RNF19A: variants seen among roughly 807,000 people sequenced by gnomAD.
The protein encoded by RNF19A is E3 ubiquitin-protein ligase RNF19A.
A neutral mutation model predicts 75.7 loss-of-function variants in RNF19A; 32 were observed. The ratio of observed to expected loss-of-function variants is 0.42; its 90% CI spans 0.32 to 0.57. The LOEUF is 0.57. Ranked by LOEUF, RNF19A falls within the 20% of genes least tolerant of loss-of-function variation. The pLI is 0.10. For missense variants in RNF19A, 782 were observed against 1,036.3 expected (o/e 0.75, Z 3.37); for synonymous variants, 335 against 345.2 (o/e 0.97, Z 0.33).
At chr8:100,319,877 C>T (rs1822440771) in intron 1 of RNF19A, among the ~76,000 whole-genome samples, 1 of 147,448 alleles carries the variant, frequency 6.8e-6, no homozygotes, top group African/African-American at 2.5e-5. Context: ...CTCTTGTTGC[C>T]CAGGACAGAG....
rs1175773394 is a variant in RNF19A, at chr8:100,259,287, TTC to T, written c.1827-43_1827-42del. On this transcript the variant is annotated intron_variant, in intron 9 of 9. Transcript: ENST00000341084. The surrounding 1 kb of genome is among the most constrained non-coding windows in gnomAD (Gnocchi z 4.5). ...AACAAATACAAACATAATTGCTGAC[TTC>T]TTTTTGTTCAGATGACTGGGGGAAG... The T allele has an allele frequency of 2.7e-6, 4 of 1,504,796 alleles. No individual in the cohort carries two copies. In the Admixed American group the frequency reaches 7.3e-5, roughly 28 times the overall value. The allele number at this position is 1,504,796 out of a possible 1,614,324, so 93.2% of individuals were successfully genotyped here.
At position 100,269,286 on chromosome 8, in the gene RNF19A, T is replaced by C. The variant is rs556624749; in HGVS notation, c.1029-339A>G. 9.9e-5 allele frequency among the ~76,000 whole-genome samples: 15 copies of C among 152,070 alleles called. No homozygotes were observed. In the South Asian group the frequency reaches 2.9e-3, roughly 29 times the overall value. ...AGTAAATTAATGCAAAACATGCATA[T>C]TTTTAGGCATCAATTATCTGATTAT... On this transcript the variant is annotated intron_variant, in intron 4 of 9. Coordinates refer to ENST00000341084, the MANE Select transcript of RNF19A (RefSeq NM_183419.4). The surrounding 1 kb of genome is among the most constrained non-coding windows in gnomAD (Gnocchi z 5.7).
At chr8:100,286,945 AATT>A (rs1821050099) in intron 2 of RNF19A, among the ~76,000 whole-genome samples, 1 of 152,200 alleles carries the variant, frequency 6.6e-6, no homozygotes. Flanking sequence ...TGGTATGTGT[AATT>A]CAAAAACTTG....
chr8:100,300,560 G>C (rs1821776041), intron 1 of RNF19A: 1 of 152,166 alleles, frequency 6.6e-6, no homozygotes, highest in Non-Finnish European at 1.5e-5. Context: ...GGCTGAGGTG[G>C]CAGGGTTGCT....
Position 100,264,357 on chromosome 8 carries a change from A to G in RNF19A, c.1307-162T>C. 1.6e-6 allele frequency: 1 copy of G among 638,936 alleles called. No individual in the cohort carries two copies. Among genetic ancestry groups the G allele is most frequent in the Non-Finnish European group, 2.6e-6 (1 of 381,764 alleles). 39.6% of individuals were successfully genotyped at this position (638,936 alleles called of 1,614,324 possible). A position where few individuals can be genotyped will look rare whatever the true frequency, so the allele number is the denominator to read the frequency against. ...CCAAAAGTAGATTTACCCAGTTGTTAAGCAAATTCAAGGTTCCCAGCCTTT... is the reference window on the plus strand; with the variant it reads ...CCAAAAGTAGATTTACCCAGTTGTTGAGCAAATTCAAGGTTCCCAGCCTTT... On this transcript the variant is annotated intron_variant, in intron 6 of 9. Coordinates refer to ENST00000341084, the MANE Select transcript of RNF19A (RefSeq NM_183419.4). This position sits in a 1 kb window ranked among gnomAD's most constrained non-coding sequence, Gnocchi z 4.7.
intron 1 of RNF19A, among the ~76,000 whole-genome samples, chr8:100,299,815 C>T (rs1821742382): frequency 6.6e-6 from 1 of 152,040 alleles, no homozygotes. Flanking sequence ...TTATCCTAAC[C>T]ACTTTCTCTG....
intron 1 of RNF19A, among the ~76,000 whole-genome samples, chr8:100,296,062 A>T (rs1821542099): frequency 6.6e-6 from 1 of 152,222 alleles, no homozygotes; most frequent in African/African-American, 2.4e-5. Flanking sequence ...TTCGGATACC[A>T]AGCAGCAATG....
At chr8:100,307,124 G>C (rs866649038) in intron 1 of RNF19A, among the ~76,000 whole-genome samples, 29 of 152,160 alleles carry the variant, frequency 1.9e-4, no homozygotes, top group Non-Finnish European at 3.4e-4. Flanking sequence ...TCTTGGCAAA[G>C]AATGTTAAAA....
intron 2 of RNF19A, among the ~76,000 whole-genome samples, chr8:100,286,655 T>C (rs1430526428): frequency 6.6e-6 from 1 of 152,212 alleles, no homozygotes; most frequent in African/African-American, 2.4e-5. Flanking sequence ...TGTAATTTGA[T>C]AAATGAAACT....
At chr8:100,286,087 C>T (rs1356909977) in intron 2 of RNF19A, among the ~76,000 whole-genome samples, 3 of 152,260 alleles carry the variant, frequency 2.0e-5, no homozygotes, top group African/African-American at 4.8e-5. Flanking sequence ...CCTGTGAAAA[C>T]GTTATGCAGG....
Position 100,325,926 on chromosome 8 carries a change from A to C in RNF19A, c.-243+10182T>G, listed in dbSNP as rs188595664. ...CTACTAGAGAAAACATATCAGACACAGTCCATGTCTGAACACTCACAGAAT... is the reference window on the plus strand; with the variant it reads ...CTACTAGAGAAAACATATCAGACACCGTCCATGTCTGAACACTCACAGAAT... On this transcript the variant is annotated intron_variant, in intron 1 of 3. Transcript: ENST00000519527. This position sits in a 1 kb window ranked among gnomAD's most constrained non-coding sequence, Gnocchi z 4.3. Among the ~76,000 whole-genome samples the C allele has an allele frequency of 6.6e-6, 1 of 152,366 alleles. No individual in the cohort carries two copies. The highest frequency in any genetic ancestry group is 1.9e-4 in the East Asian group (1 of 5,194).
chr8:100,271,211 T>C (rs1820238854), intron 3 of RNF19A, among the ~76,000 whole-genome samples: 1 of 152,060 alleles, frequency 6.6e-6, no homozygotes, highest in Admixed American at 6.6e-5. Context: ...GTATTTGCTT[T>C]AATGATTCAA....
upstream of RNF19A, among the ~76,000 whole-genome samples, chr8:100,311,125 A>G (rs1164797918): frequency 6.6e-6 from 1 of 152,222 alleles, no homozygotes; most frequent in Non-Finnish European, 1.5e-5. Context: ...TAAATTAGAA[A>G]CAAACCAAGG....
At chr8:100,310,041 A>C, upstream of RNF19A, 1 of 984,462 alleles carries the variant, frequency 1.0e-6, no homozygotes. Flanking sequence ...GCTTTCCCGA[A>C]CTCCTCCTCC....
chr8:100,289,008 C>A (rs184289205), intron 1 of RNF19A, among the ~76,000 whole-genome samples: 1 of 145,006 alleles, frequency 6.9e-6, no homozygotes, highest in Non-Finnish European at 1.5e-5. Context: ...TGCAGTGAGC[C>A]GAGATTGCGC....
intron 1 of RNF19A, among the ~76,000 whole-genome samples, chr8:100,328,452 T>A (rs1822568035): frequency 1.3e-5 from 2 of 151,900 alleles, no homozygotes; most frequent in Admixed American, 6.6e-5. Flanking sequence ...TTCTAGGCAT[T>A]AATGTTTTTG....
chr8:100,319,879 A>G (rs954406840), intron 1 of RNF19A, among the ~76,000 whole-genome samples: 13 of 145,092 alleles, frequency 9.0e-5, no homozygotes, highest in African/African-American at 3.4e-4. Flanking sequence ...CTTGTTGCCC[A>G]GGACAGAGTG....
At chr8:100,310,584 T>C (rs1822266758), upstream of RNF19A, among the ~76,000 whole-genome samples, 1 of 152,326 alleles carries the variant, frequency 6.6e-6, no homozygotes, top group African/African-American at 2.4e-5. Context: ...AGTGCCGGGA[T>C]GTTGCAGCTC....
At chr8:100,312,619 G>A (rs942601559), upstream of RNF19A, among the ~76,000 whole-genome samples, 1 of 151,506 alleles carries the variant, frequency 6.6e-6, no homozygotes, top group African/African-American at 2.4e-5. Context: ...GGGAAGGAGG[G>A]AGGGAGAGAA....
Sources: gnomAD v4.1 joint callset for allele counts (sites outside exome capture counted in the v4.1 genomes callset) on GRCh38, gnomAD v4.1.1 for gene constraint, Gnocchi (gnomAD v3.1) non-coding constraint, MANE v1.5 for transcripts, NCBI Gene and HGNC (gene_info 2026-07-23, HGNC 2026-07-21) for gene names.